SMURF1: variants seen among roughly 807,000 people sequenced by gnomAD.
The protein encoded by SMURF1 is E3 ubiquitin-protein ligase SMURF1.
A neutral mutation model predicts 98.0 loss-of-function variants in SMURF1; 44 were observed. The ratio of observed to expected loss-of-function variants is 0.45; its 90% confidence interval spans 0.35 to 0.58. The LOEUF (loss-of-function observed/expected upper bound fraction) is 0.58. Ranked by LOEUF, SMURF1 falls within the 20% of genes least tolerant of loss-of-function variation. The pLI is 0.00. For synonymous variants in SMURF1, 396 were observed against 374.9 expected, an observed-to-expected ratio of 1.06 and a Z score of -0.65; for missense variants, 687 against 938.4, an observed-to-expected ratio of 0.73 and a Z score of 3.50.
In SMURF1 at chr7:99,143,770, G is replaced by C. The variant is rs771888369; in HGVS notation, c.11C>G (p.Pro4Arg). 6.4e-7 allele frequency: 1 copy of C among 1,561,402 alleles called. No homozygotes were observed. Among genetic ancestry groups the C allele is most frequent in the Non-Finnish European group, 8.6e-7 (1 of 1,156,646 alleles). The part of the protein sequence containing the change: MSN[P>R]GTRRNGSSIK... ...GCTGGAGCCGTTCCTGCGTGTCCCG[G>C]GGTTCGACATCTCCCGCCAACGATC... The change falls in exon 1 of 18, where the codon CCC (proline) becomes CGC (arginine). Residue 4 changes from proline to arginine, a missense_variant. Physicochemically the swap from Pro to Arg is moderately radical, Grantham distance 103. Around this residue, in one of 2 missense-constraint regions of SMURF1, gnomAD observed 415 missense variants for 508.4 expected, o/e 0.82. Transcript: ENST00000361368.
At chr7:99,079,189 AGCT>A (rs1156755898) in intron 1 of SMURF1, among the ~76,000 whole-genome samples, 6 of 152,356 alleles carry the variant, frequency 3.9e-5, no homozygotes, top group Admixed American at 3.9e-4. Context: ...TGGCCACAGC[AGCT>A]GCGCCTGGAA....
At chr7:99,117,766 A>T (rs777246066) in intron 1 of SMURF1, among the ~76,000 whole-genome samples, 3 of 152,090 alleles carry the variant, frequency 2.0e-5, no homozygotes, top group Admixed American at 2.0e-4. Flanking sequence ...TGGAAATCAT[A>T]TATCTGATGA....
rs1584465611 is a variant in SMURF1, at chr7:99,057,448, T to C, written c.307A>G (p.Asn103Asp). ...GTATCTTTTAATCTGCTGATGGCAT[T>C]GGAGAGCAGCCGCACACAGCCCAGG... ...GFLGCVRLLS[N>D]AISRLKDTGY... The change falls in exon 4 of 18, where the codon AAT becomes GAT. Residue 103 changes from asparagine to aspartate, a missense_variant. By Grantham distance (23) the Asn-to-Asp change is conservative (BLOSUM62 1). Around this residue, in one of 2 missense-constraint regions of SMURF1, gnomAD observed 415 missense variants for 508.4 expected, o/e 0.82. Coordinates refer to ENST00000361368, the MANE Select transcript of SMURF1 (RefSeq NM_181349.3). 1.2e-6 allele frequency: 2 copies of C among 1,607,724 alleles called. No homozygotes were observed. Among genetic ancestry groups the C allele is most frequent in the African/African-American group, 1.3e-5 (1 of 74,310 alleles).
At chr7:99,073,719 T>C (rs898773962) in intron 1 of SMURF1, among the ~76,000 whole-genome samples, 1 of 149,506 alleles carries the variant, frequency 6.7e-6, no homozygotes, top group Non-Finnish European at 1.5e-5. Context: ...TGAGCCAAAA[T>C]CATGCCACTG....
At chr7:99,132,253 C>T (rs1347497034) in intron 1 of SMURF1, among the ~76,000 whole-genome samples, 3 of 152,132 alleles carry the variant, frequency 2.0e-5, no homozygotes, top group Non-Finnish European at 4.4e-5. Flanking sequence ...AATGCTGCCT[C>T]CAGGAGAGGT....
chr7:99,047,549 C>G, intron 10 of SMURF1, 135 bp downstream of exon 10: 1 of 867,372 alleles, frequency 1.2e-6, no homozygotes, highest in South Asian at 1.7e-5. Flanking sequence ...AGAAGGGTTC[C>G]CTGAAACGCA....
intron 1 of SMURF1, among the ~76,000 whole-genome samples, chr7:99,102,280 G>A (rs1282186743): frequency 1.3e-5 from 2 of 151,990 alleles, no homozygotes; most frequent in South Asian, 2.1e-4. Flanking sequence ...AATATCCTAC[G>A]CATCTGTCTC....
chr7:99,074,625 A>T (rs1796409184), intron 1 of SMURF1, among the ~76,000 whole-genome samples: 1 of 152,226 alleles, frequency 6.6e-6, no homozygotes, highest in Non-Finnish European at 1.5e-5. Flanking sequence ...ATGAAAGGGC[A>T]AGAGACAGAC....
At chr7:99,035,463 C>T (rs768230425) in intron 16 of SMURF1, 52 bp downstream of exon 16, 2 of 1,600,262 alleles carry the variant, frequency 1.2e-6, no homozygotes, top group Non-Finnish European at 1.7e-6. Context: ...CTCTTCCTGC[C>T]CACAGCGCAC....
At chr7:99,108,999 C>G (rs1432448355) in intron 1 of SMURF1, among the ~76,000 whole-genome samples, 4 of 152,140 alleles carry the variant, frequency 2.6e-5, no homozygotes, top group African/African-American at 7.2e-5. Flanking sequence ...TATTTACCCA[C>G]GTTCTTTCCT....
At chr7:99,132,699 G>GACACACACACACAC (rs113194877) in intron 1 of SMURF1, among the ~76,000 whole-genome samples, 9 of 147,292 alleles carry the variant, frequency 6.1e-5, no homozygotes, top group African/African-American at 2.3e-4. Context: ...CAGACACACG[G>GACACACACACACAC]ACACACACAC....
intron 13 of SMURF1, 23 bp downstream of exon 13, chr7:99,040,355 A>T: frequency 6.9e-7 from 1 of 1,450,386 alleles, no homozygotes; most frequent in South Asian, 1.5e-5. Context: ...AAGCCAGGTG[A>T]CCGGCCGTCA....
intron 1 of SMURF1, among the ~76,000 whole-genome samples, chr7:99,107,635 C>T (rs1307217776): frequency 6.6e-6 from 1 of 152,198 alleles, no homozygotes; most frequent in East Asian, 1.9e-4. Context: ...CAGCCATTCT[C>T]ACTGCAAACG....
intron 1 of SMURF1, among the ~76,000 whole-genome samples, chr7:99,107,103 T>C (rs929911483): frequency 2.0e-5 from 3 of 152,200 alleles, no homozygotes; most frequent in Non-Finnish European, 4.4e-5. Context: ...CCTTAGCACC[T>C]GCATAGCAGA....
intron 1 of SMURF1, among the ~76,000 whole-genome samples, chr7:99,088,022 C>T (rs1398401115): frequency 6.6e-6 from 1 of 151,740 alleles, no homozygotes; most frequent in Non-Finnish European, 1.5e-5. Context: ...TTTGGGAGGC[C>T]GAGGCAGGTG....
chr7:99,087,952 T>C (rs1380801582), intron 1 of SMURF1, among the ~76,000 whole-genome samples: 1 of 151,994 alleles, frequency 6.6e-6, no homozygotes, highest in Non-Finnish European at 1.5e-5. Flanking sequence ...AAATGAAAAT[T>C]TCTTTAAAAA....
intron 1 of SMURF1, among the ~76,000 whole-genome samples, chr7:99,073,384 A>G (rs1796376711): frequency 6.6e-6 from 1 of 151,744 alleles, no homozygotes; most frequent in Non-Finnish European, 1.5e-5. Context: ...TCTCAAAAAA[A>G]AAAAAAAGAA....
At chr7:99,101,438 T>G (rs1797078287) in intron 1 of SMURF1, among the ~76,000 whole-genome samples, 1 of 152,216 alleles carries the variant, frequency 6.6e-6, no homozygotes, top group African/African-American at 2.4e-5. Context: ...ATTTTAAAAC[T>G]GAGCTACAGT....
At chr7:99,040,706 T>G in intron 12 of SMURF1, 150 bp from the exon 13 acceptor site, 1 of 665,714 alleles carries the variant, frequency 1.5e-6, no homozygotes, top group Non-Finnish European at 2.2e-6. Flanking sequence ...CCTGAACAAG[T>G]GAAAGAAGGC....
Sources: gnomAD v4.1 joint callset for allele counts (sites outside exome capture counted in the v4.1 genomes callset) on GRCh38, gnomAD v4.1.1 for gene constraint, gnomAD v4.1.1 regional missense constraint, MANE v1.5 for transcripts, NCBI Gene and HGNC (gene_info 2026-07-23, HGNC 2026-07-21) for gene names.